MME: variants seen among roughly 807,000 people sequenced by gnomAD.
The protein encoded by MME is membrane metalloendopeptidase.
Under a neutral mutation model 113.2 loss-of-function variants are expected in MME, and 98 were observed. The observed-to-expected ratio is 0.87, with a 90% CI of 0.74 to 1.02. The LOEUF is 1.02. Among genes scored for constraint, MME ranks in the 50% least tolerant of loss-of-function variants. MME has a pLI of 0.00. For missense variants in MME, 836 were observed against 896.0 expected (o/e 0.93, Z 0.86); for synonymous variants, 292 against 300.6 (o/e 0.97, Z 0.30).
intron 1 of MME, among the ~76,000 whole-genome samples, chr3:155,039,933 T>A (rs1713253490): frequency 6.6e-6 from 1 of 151,566 alleles, no homozygotes; most frequent in Non-Finnish European, 1.5e-5. Context: ...GAAATAAAGA[T>A]AAAATTTTTT....
At chr3:155,141,434 G>A (rs982596166) in intron 10 of MME, among the ~76,000 whole-genome samples, 12 of 152,074 alleles carry the variant, frequency 7.9e-5, no homozygotes, top group Admixed American at 1.3e-4. Flanking sequence ...TGGCAACTCC[G>A]TACTTAGCTT....
At chr3:155,071,114 T>C (rs1006536050) in intron 1 of MME, among the ~76,000 whole-genome samples, 3 of 152,162 alleles carry the variant, frequency 2.0e-5, no homozygotes, top group Admixed American at 2.0e-4. Context: ...GTTCCAGGCT[T>C]GTGAATGCAA....
At chr3:155,103,959 A>G (rs139121237) in intron 3 of MME, among the ~76,000 whole-genome samples, 37 of 152,308 alleles carry the variant, frequency 2.4e-4, no homozygotes, top group African/African-American at 8.7e-4. Flanking sequence ...TTACTTATCA[A>G]CTGAATACAG....
Position 155,124,237 on chromosome 3 carries a change from A to C in MME, c.720+5426A>C, listed in dbSNP as rs1576614580. On this transcript the variant is annotated intron_variant, in intron 8 of 22. Transcript: ENST00000360490. ...AGCTCCTGAGGCTTCTGCATTCTTC[A>C]CGTAGTTCTCAAGCCTTGGTTTTCA... Among the ~76,000 whole-genome samples the C allele has an allele frequency of 2.0e-5, 3 of 151,602 alleles. No homozygotes were observed. The Middle Eastern group carries it at 0.01, about 516-fold the overall frequency.
At chr3:155,162,965 A>C (rs1722820001) in intron 17 of MME, among the ~76,000 whole-genome samples, 1 of 149,202 alleles carries the variant, frequency 6.7e-6, no homozygotes, top group African/African-American at 2.5e-5. Flanking sequence ...ATGAGCTGAG[A>C]TCATGCCACT....
chr3:155,097,125 G>A (rs1716806127), intron 3 of MME, among the ~76,000 whole-genome samples: 1 of 152,132 alleles, frequency 6.6e-6, no homozygotes, highest in Non-Finnish European at 1.5e-5. Flanking sequence ...TGGGTAATAG[G>A]CTGGGACCAA....
At chr3:155,086,089 A>C (rs1037944664) in intron 3 of MME, among the ~76,000 whole-genome samples, 1 of 152,124 alleles carries the variant, frequency 6.6e-6, no homozygotes, top group Non-Finnish European at 1.5e-5. Flanking sequence ...GGTTGACTGG[A>C]TTGAGTGAAA....
intron 1 of MME, among the ~76,000 whole-genome samples, chr3:155,034,703 T>C (rs1308671042): frequency 2.0e-5 from 3 of 152,170 alleles, no homozygotes; most frequent in Non-Finnish European, 4.4e-5. Flanking sequence ...CTAGCAGTCA[T>C]TACTCGATAT....
intron 3 of MME, among the ~76,000 whole-genome samples, chr3:155,087,938 T>C (rs573905387): frequency 4.1e-4 from 62 of 152,352 alleles, no homozygotes; most frequent in Middle Eastern, 3.4e-3. Flanking sequence ...GTATTTAACC[T>C]GTATCCTTTA....
chr3:155,066,989 G>A (rs749713036), intron 1 of MME, among the ~76,000 whole-genome samples: 3 of 151,850 alleles, frequency 2.0e-5, no homozygotes, highest in Non-Finnish European at 2.9e-5. Flanking sequence ...ACATTAGAAC[G>A]CATAGCATGT....
chr3:155,040,116 A>G (rs1470961922), intron 1 of MME, among the ~76,000 whole-genome samples: 1 of 152,206 alleles, frequency 6.6e-6, no homozygotes, highest in Non-Finnish European at 1.5e-5. Context: ...AAATTCGTAC[A>G]CAGACTAATC....
chr3:155,180,313 A>T, intron 22 of MME, 47 bp from the exon 23 acceptor site: 1 of 1,329,982 alleles, frequency 7.5e-7, no homozygotes, highest in South Asian at 1.2e-5. Flanking sequence ...TGTGGTATGG[A>T]CGTGAGTATC....
At chr3:155,045,675 T>C (rs1713533369) in intron 1 of MME, among the ~76,000 whole-genome samples, 1 of 152,000 alleles carries the variant, frequency 6.6e-6, no homozygotes, top group South Asian at 2.1e-4. Flanking sequence ...TCAATTTTGT[T>C]GGTCTTTTCA....
chr3:155,133,704 G>T (rs1257640097), intron 8 of MME, among the ~76,000 whole-genome samples: 1 of 136,754 alleles, frequency 7.3e-6, no homozygotes, highest in Non-Finnish European at 1.5e-5. Context: ...CATATATAGT[G>T]TGTGTATATA....
At chr3:155,044,417 G>A (rs917461406) in intron 1 of MME, among the ~76,000 whole-genome samples, 20 of 151,970 alleles carry the variant, frequency 1.3e-4, no homozygotes, top group African/African-American at 4.6e-4. Flanking sequence ...TTACAGGTGT[G>A]AGCCACCACA....
chr3:155,038,501 G>A (rs992446108), intron 1 of MME, among the ~76,000 whole-genome samples: 1 of 152,018 alleles, frequency 6.6e-6, no homozygotes, highest in Admixed American at 6.6e-5. Flanking sequence ...TTAGATTTTC[G>A]ATCTACAGAG....
chr3:155,105,869 C>A (rs973305272), intron 3 of MME, among the ~76,000 whole-genome samples: 1 of 152,134 alleles, frequency 6.6e-6, no homozygotes, highest in African/African-American at 2.4e-5. Flanking sequence ...ATTTAAGCGT[C>A]TTTGGCTAAA....
At chr3:155,126,913 A>G (rs180888747) in intron 8 of MME, among the ~76,000 whole-genome samples, 43 of 151,618 alleles carry the variant, frequency 2.8e-4, no homozygotes, top group Admixed American at 2.8e-3. Flanking sequence ...AGGCTGAGGC[A>G]GGAGAATCGC....
At chr3:155,047,002 G>A (rs1459585260) in intron 1 of MME, among the ~76,000 whole-genome samples, 1 of 152,102 alleles carries the variant, frequency 6.6e-6, no homozygotes, top group Non-Finnish European at 1.5e-5. Context: ...TATTACTGAA[G>A]AAAGAAACTT....
Sources: allele counts gnomAD v4.1 joint callset (sites outside exome capture counted in the v4.1 genomes callset), GRCh38; gene constraint gnomAD v4.1.1; transcripts MANE v1.5; gene names NCBI Gene and HGNC (gene_info 2026-07-23, HGNC 2026-07-21).